RAPGEF2: variants seen among roughly 807,000 people sequenced by gnomAD.
RAPGEF2 encodes PDZ domain containing guanine nucleotide exchange factor (GEF) 1.
In RAPGEF2, 54 loss-of-function variants were observed where a neutral mutation model predicts 186.7. The observed-to-expected ratio is 0.29, with a 90% CI of 0.23 to 0.36. The LOEUF is 0.36. RAPGEF2 is among the 10% of genes least tolerant of loss of function. The pLI, the probability that RAPGEF2 is intolerant of heterozygous loss-of-function variation, is 1.00. For missense variants in RAPGEF2, 1,532 were observed against 2,045.0 expected (o/e 0.75, Z 4.84); for synonymous variants, 712 against 705.9 (o/e 1.01, Z -0.14).
chr4:159,259,060 C>G (rs1756507988), intron 7 of RAPGEF2, among the ~76,000 whole-genome samples: 1 of 152,164 alleles, frequency 6.6e-6, no homozygotes, highest in African/African-American at 2.4e-5. Flanking sequence ...TTCAGTATTT[C>G]CCCGTCAGTA....
intron 7 of RAPGEF2, among the ~76,000 whole-genome samples, chr4:159,280,216 G>C (rs1207336548): frequency 6.6e-6 from 1 of 152,110 alleles, no homozygotes; most frequent in Non-Finnish European, 1.5e-5. Flanking sequence ...TATATAGCCG[G>C]ATGAAGGAGT....
At chr4:159,231,005 A>T (rs1752571960) in intron 4 of RAPGEF2, among the ~76,000 whole-genome samples, 1 of 152,208 alleles carries the variant, frequency 6.6e-6, no homozygotes, top group African/African-American at 2.4e-5. Context: ...AATATTATGT[A>T]GTCATGCACT....
chr4:159,312,047 T>C (rs1158780485), intron 8 of RAPGEF2, among the ~76,000 whole-genome samples: 1 of 152,182 alleles, frequency 6.6e-6, no homozygotes, highest in Non-Finnish European at 1.5e-5. Flanking sequence ...ATAAATCCAG[T>C]TGACAGTTGA....
chr4:159,332,838 A>G (rs910755146), intron 17 of RAPGEF2, 141 bp downstream of exon 17: 12 of 1,024,112 alleles, frequency 1.2e-5, no homozygotes, highest in South Asian at 2.2e-5. Context: ...GCAGTATTAA[A>G]CAATCAAATT....
intron 25 of RAPGEF2, among the ~76,000 whole-genome samples, chr4:159,347,489 AAAAG>A (rs1730490215): frequency 6.6e-6 from 1 of 152,234 alleles, no homozygotes; most frequent in Non-Finnish European, 1.5e-5. Context: ...CTTTCCTACT[AAAAG>A]AAAAACATCA....
At chr4:159,282,785 T>C (rs539300358) in intron 7 of RAPGEF2, 6 of 341,530 alleles carry the variant, frequency 1.8e-5, no homozygotes, top group African/African-American at 8.8e-5. Flanking sequence ...AATATGCCAT[T>C]ATACATTATG....
chr4:159,305,063 CT>C (rs1452529905), intron 8 of RAPGEF2, among the ~76,000 whole-genome samples: 1 of 152,084 alleles, frequency 6.6e-6, no homozygotes, highest in Non-Finnish European at 1.5e-5. Context: ...ATGTACTGTA[CT>C]TTATTCTGTC....
intron 25 of RAPGEF2, 46 bp downstream of exon 25, chr4:159,347,044 T>C (rs1730422319): frequency 1.3e-6 from 2 of 1,527,446 alleles, no homozygotes; most frequent in Non-Finnish European, 1.8e-6. Context: ...TTCACTGTCA[T>C]GGTTTGCAAA....
intron 1 of RAPGEF2, among the ~76,000 whole-genome samples, chr4:159,182,161 GCTT>G (rs1340533625): frequency 2.6e-5 from 4 of 152,162 alleles, no homozygotes; most frequent in African/African-American, 9.6e-5. Context: ...CTTTTAAAAG[GCTT>G]CTTGGAAATA....
chr4:159,189,757 C>T (rs1463538118), intron 2 of RAPGEF2, among the ~76,000 whole-genome samples: 1 of 151,898 alleles, frequency 6.6e-6, no homozygotes, highest in Non-Finnish European at 1.5e-5. Flanking sequence ...CTTGATTCCT[C>T]CATTTATGAC....
At chr4:159,203,257 C>T (rs919221970) in intron 3 of RAPGEF2, among the ~76,000 whole-genome samples, 6 of 152,192 alleles carry the variant, frequency 3.9e-5, no homozygotes, top group African/African-American at 9.7e-5. Context: ...ACATCTTTGA[C>T]TTTCAAGCAC....
intron 1 of RAPGEF2, among the ~76,000 whole-genome samples, chr4:159,135,307 A>G (rs1257044124): frequency 2.6e-5 from 4 of 152,108 alleles, no homozygotes; most frequent in African/African-American, 9.7e-5. Context: ...CAGCCTCCCA[A>G]AGTGCTGGGA....
At chr4:159,179,886 T>G (rs1746829913) in intron 1 of RAPGEF2, among the ~76,000 whole-genome samples, 1 of 152,194 alleles carries the variant, frequency 6.6e-6, no homozygotes, top group Non-Finnish European at 1.5e-5. Flanking sequence ...TTGTTTGGAC[T>G]ATGGAAGTAC....
At chr4:159,241,004 C>T (rs980603942) in intron 5 of RAPGEF2, 197 bp from the exon 6 acceptor site, 2 of 462,562 alleles carry the variant, frequency 4.3e-6, no homozygotes, top group Non-Finnish European at 7.6e-6. Flanking sequence ...GAAAATGCCT[C>T]CTCATAAAAG....
At chr4:159,207,417 T>C (rs965391424) in intron 3 of RAPGEF2, among the ~76,000 whole-genome samples, 5 of 152,224 alleles carry the variant, frequency 3.3e-5, no homozygotes, top group Non-Finnish European at 7.3e-5. Flanking sequence ...TTGTGCTTAA[T>C]TTGTCGATAT....
At chr4:159,130,119 C>T (rs1740858685) in intron 1 of RAPGEF2, among the ~76,000 whole-genome samples, 1 of 152,172 alleles carries the variant, frequency 6.6e-6, no homozygotes, top group African/African-American at 2.4e-5. Flanking sequence ...TTTTAGCAAT[C>T]TAATGCATTA....
chr4:159,159,774 A>C (rs527823172), intron 1 of RAPGEF2, among the ~76,000 whole-genome samples: 4 of 152,244 alleles, frequency 2.6e-5, no homozygotes, highest in African/African-American at 4.8e-5. Context: ...TTAAACTGAC[A>C]GTGTGAACAA....
intron 7 of RAPGEF2, among the ~76,000 whole-genome samples, chr4:159,250,954 G>A (rs1378500529): frequency 3.3e-5 from 5 of 152,182 alleles, no homozygotes; most frequent in Non-Finnish European, 2.9e-5. Flanking sequence ...TGGGCTGTGC[G>A]CCACGCTCAT....
At chr4:159,206,785 G>A (rs181574900) in intron 3 of RAPGEF2, among the ~76,000 whole-genome samples, 3 of 152,278 alleles carry the variant, frequency 2.0e-5, no homozygotes, top group Admixed American at 1.3e-4. Flanking sequence ...AACATATTTC[G>A]ATGCTGACAC....
Sources: gnomAD v4.1 joint callset for allele counts (sites outside exome capture counted in the v4.1 genomes callset) on GRCh38, gnomAD v4.1.1 for gene constraint, MANE v1.5 for transcripts, NCBI Gene and HGNC (gene_info 2026-07-23, HGNC 2026-07-21) for gene names.